Variants in MESD observed in about 807,000 individuals in gnomAD.
MESD encodes mesoderm development LRP chaperone.
A neutral mutation model predicts 12.9 loss-of-function variants in MESD; 7 were observed. The ratio of observed to expected loss-of-function variants is 0.54; its 90% confidence interval spans 0.31 to 1.02. MESD has a LOEUF of 1.02. MESD is among the 50% of genes least tolerant of loss of function. The pLI is 0.05. For synonymous variants in MESD, 126 were observed against 115.6 expected, an observed-to-expected ratio of 1.09 and a Z score of -0.58; for missense variants, 342 against 296.7, an observed-to-expected ratio of 1.15 and a Z score of -1.12.
chr15:80,982,850 G>A (rs998973299), intron 1 of MESD, among the ~76,000 whole-genome samples: 1 of 152,148 alleles, frequency 6.6e-6, no homozygotes, highest in East Asian at 1.9e-4. Flanking sequence ...GGAGGCTGAG[G>A]TAAAACGATC....
exon 5 of MESD, chr15:80,948,707 G>T: frequency 7.7e-6 from 12 of 1,564,660 alleles, no homozygotes; most frequent in South Asian, 2.2e-5. Context: ...TGGTGGGCGT[G>T]GGGGGCTGGC....
chr15:80,956,791 G>GTGGC (rs1457113017), intron 3 of MESD, among the ~76,000 whole-genome samples: 1 of 152,122 alleles, frequency 6.6e-6, no homozygotes, highest in Non-Finnish European at 1.5e-5. Context: ...TGCAGAGGGG[G>GTGGC]TGGCTGTGTT....
rs1205834440 is a variant in MESD at position 80,977,949 on chromosome 15, T to C, written c.*1270A>G. ...CAGAGAACTGAGAATGCAGAGGGTG[T>C]GGTTCTTTCGAGGGAAATGTGAGCA... On this transcript the variant is annotated 3_prime_UTR_variant, in exon 3 of 3. Transcript: ENST00000261758. 1 of 152,170 alleles carries C rather than the reference T, an allele frequency of 6.6e-6. No homozygotes were observed. The highest frequency in any genetic ancestry group is 2.4e-5 in the African/African-American group (1 of 41,408). The allele number at this position is 152,170 out of a possible 1,614,324, so 9.4% of individuals were successfully genotyped here.
Position 80,976,884 on chromosome 15 carries a change from A to G in MESD, c.*2335T>C, listed in dbSNP as rs1346608603. 6.6e-6 allele frequency: 1 copy of G among 152,208 alleles called. No homozygotes were observed. Among genetic ancestry groups the G allele is most frequent in the Non-Finnish European group, 1.5e-5 (1 of 68,064 alleles). The allele number at this position is 152,208 out of a possible 1,614,324, so 9.4% of individuals were successfully genotyped here. A position where few individuals can be genotyped will look rare whatever the true frequency, so the allele number is the denominator to read the frequency against. On this transcript the variant is annotated 3_prime_UTR_variant, in exon 3 of 3. Coordinates refer to ENST00000261758, the MANE Select transcript of MESD (RefSeq NM_015154.3). ...CACCATCACCCTGCTGATGTAGGAC[A>G]CCTTCAGCTATGGCCTGCACTACTG... is the stretch of plus-strand genomic sequence containing the variant.
chr15:80,972,137 G>A (rs1902302215), downstream of MESD, among the ~76,000 whole-genome samples: 1 of 152,140 alleles, frequency 6.6e-6, no homozygotes, highest in Non-Finnish European at 1.5e-5. Flanking sequence ...CACATAGATG[G>A]ATAAGTAGAG....
In MESD at chr15:80,980,266, A is replaced by T. The variant is rs74345170; in HGVS notation, c.447-789T>A. Among the ~76,000 whole-genome samples the T allele has an allele frequency of 8.0e-3, 1,220 of 152,280 alleles. 15 individuals carry two copies. The highest frequency in any genetic ancestry group is 0.028 in the African/African-American group (1,162 of 41,546). On this transcript the variant is annotated intron_variant, in intron 2 of 2. Transcript: ENST00000261758. ...ATATTTTGCTGGCCGGACACTCTCT[A>T]AGTACTCCTCCCATTTCTTGTCATT...
chr15:80,949,294 T>G (rs1596218317), intron 4 of MESD: 1 of 362,096 alleles, frequency 2.8e-6, no homozygotes, highest in African/African-American at 2.1e-5. Flanking sequence ...AGCTAGGAGG[T>G]AGTCTGGAGG....
At position 80,948,939 on chromosome 15, in the gene MESD, C is replaced by T. The variant is rs756437385; in HGVS notation, c.*627-41G>A. The T allele has an allele frequency of 2.0e-5, 33 of 1,613,994 alleles. No individual in the cohort carries two copies. The East Asian group carries it at 5.1e-4, about 25-fold the overall frequency. On this transcript the variant is annotated intron_variant, in intron 4 of 4. Transcript: ENST00000561312. ...AGAAGTTGTGAGGACAGCTGCCGCCCGGTGCCACCTCGTGGTAGACTATGA... is the reference window on the plus strand; with the variant it reads ...AGAAGTTGTGAGGACAGCTGCCGCCTGGTGCCACCTCGTGGTAGACTATGA...
chr15:80,948,803 T>C (rs1168885667), exon 5 of MESD: 7 of 1,614,172 alleles, frequency 4.3e-6, no homozygotes, highest in Non-Finnish European at 5.9e-6. Context: ...TCAGAGCAAA[T>C]GGCATTCGTT....
At chr15:80,974,216 C>T (rs143972469), downstream of MESD, among the ~76,000 whole-genome samples, 12 of 152,252 alleles carry the variant, frequency 7.9e-5, 1 homozygote, top group African/African-American at 2.4e-4. Context: ...GGCAGTACTC[C>T]GCCCTGGAAC....
In MESD at chr15:80,983,894, CTTT is replaced by C. The variant is rs10570822; in HGVS notation, c.214-1715_214-1713del. Among the ~76,000 whole-genome samples the C allele has an allele frequency of 8.8e-3, 776 of 88,376 alleles. 3 individuals are homozygous for C. The highest frequency in any genetic ancestry group is 0.03 in the African/African-American group (741 of 24,464). The allele number at this position is 88,376 out of a possible 152,430, so 58.0% of individuals were successfully genotyped here. A position where few individuals can be genotyped will look rare whatever the true frequency, so the allele number is the denominator to read the frequency against. On this transcript the variant is annotated intron_variant, in intron 1 of 2. Coordinates refer to ENST00000261758, the MANE Select transcript of MESD (RefSeq NM_015154.3). ...ATAAATTACTAATAGAAAACAGTAACTTTTTTTTTTTTTTTTTTTTTTTTTGAG... is the reference window on the plus strand; with the variant it reads ...ATAAATTACTAATAGAAAACAGTAACTTTTTTTTTTTTTTTTTTTTTTGAG...
At chr15:80,947,390 T>A (rs1217514381) in exon 5 of MESD, 2 of 347,120 alleles carry the variant, frequency 5.8e-6, no homozygotes, top group African/African-American at 4.2e-5. Flanking sequence ...AGTCTCACCC[T>A]CCTACCCAAT....
downstream of MESD, chr15:80,947,286 C>T (rs76575417): frequency 7.4e-3 from 3,857 of 522,208 alleles, 125 homozygotes; most frequent in African/African-American, 0.065. Flanking sequence ...TATAACTTGC[C>T]ACCAGCCACT....
At chr15:80,949,693 G>A (rs766733412) in intron 4 of MESD, 1 of 154,316 alleles carries the variant, frequency 6.5e-6, no homozygotes, top group African/African-American at 2.4e-5. Flanking sequence ...TAGCTTGAGG[G>A]GTCTGCAGTC....
chr15:80,972,747 G>A (rs550145288), downstream of MESD, among the ~76,000 whole-genome samples: 19 of 152,384 alleles, frequency 1.2e-4, no homozygotes, highest in African/African-American at 4.3e-4. Context: ...TACAGGTTGG[G>A]CGCAGTGGCT....
At chr15:80,981,450 A>C (rs1474944723) in intron 2 of MESD, among the ~76,000 whole-genome samples, 1 of 151,276 alleles carries the variant, frequency 6.6e-6, no homozygotes, top group African/African-American at 2.4e-5. Context: ...AAAAAAAAAA[A>C]AAAAAACAAA....
intron 3 of MESD, among the ~76,000 whole-genome samples, chr15:80,957,575 C>T (rs1228037362): frequency 3.3e-5 from 5 of 151,928 alleles, no homozygotes; most frequent in African/African-American, 7.3e-5. Flanking sequence ...TTGGAAGAAA[C>T]TTGGCAATCC....
intron 1 of MESD, among the ~76,000 whole-genome samples, chr15:80,986,666 C>T (rs1183853128): frequency 1.3e-5 from 2 of 152,168 alleles, no homozygotes; most frequent in Admixed American, 1.3e-4. Flanking sequence ...CCAGTCTTTA[C>T]CCTGAGGCAG....
rs577113488 is a variant in MESD, at chr15:80,948,900, T to C, written c.*627-2A>G. The C allele has an allele frequency of 1.2e-6, 2 of 1,614,166 alleles. No individual in the cohort carries two copies. The highest frequency in any genetic ancestry group is 1.7e-5 in the Admixed American group (1 of 60,014). ...AAATCTTCCAAGTTGTGCCCATCCC[T>C]GTGGTGAAGAAGAAGAAGTTGTGAG... is the stretch of plus-strand genomic sequence containing the variant. On this transcript the variant is annotated splice_acceptor_variant, in intron 4 of 4. Coordinates refer to the MESD transcript ENST00000561312. LOFTEE classifies it low-confidence loss of function (3UTR_SPLICE).
Sources: allele counts gnomAD v4.1 joint callset (sites outside exome capture counted in the v4.1 genomes callset), GRCh38; gene constraint gnomAD v4.1.1; transcripts MANE v1.5; gene names NCBI Gene and HGNC (gene_info 2026-07-23, HGNC 2026-07-21).